The following PLXDC1 variants were observed in gnomAD, a reference collection of about 807,000 sequenced individuals.
PLXDC1 encodes plexin domain containing 1, also known as plexin domain-containing protein 1.
Under a neutral mutation model 61.3 loss-of-function variants are expected in PLXDC1, and 39 were observed. The ratio of observed to expected loss-of-function variants is 0.64; its 90% CI spans 0.49 to 0.83. PLXDC1 has a LOEUF of 0.83. Among genes scored for constraint, PLXDC1 ranks in the 40% least tolerant of loss-of-function variants. The pLI is 0.00. For missense variants in PLXDC1, 596 were observed against 666.5 expected (o/e 0.89, Z 1.17); for synonymous variants, 212 against 254.5 (o/e 0.83, Z 1.59).
intron 9 of PLXDC1, chr17:39,079,958 G>T (rs1598186579): frequency 5.1e-6 from 1 of 197,224 alleles, no homozygotes; most frequent in Non-Finnish European, 1.0e-5. Context: ...GCCAGGAGCT[G>T]TCAGTCTTTC....
At chr17:39,095,757 C>T (rs1910170179) in intron 7 of PLXDC1, among the ~76,000 whole-genome samples, 1 of 151,982 alleles carries the variant, frequency 6.6e-6, no homozygotes, top group Non-Finnish European at 1.5e-5. Context: ...CTCCACCTCC[C>T]GGGTTCAAGC....
intron 2 of PLXDC1, among the ~76,000 whole-genome samples, chr17:39,123,488 C>G (rs1911227907): frequency 6.6e-6 from 1 of 152,154 alleles, no homozygotes; most frequent in South Asian, 2.1e-4. Flanking sequence ...CCGCGCCTGG[C>G]CTCTTGCAAG....
intron 2 of PLXDC1, among the ~76,000 whole-genome samples, chr17:39,120,070 T>C (rs1031379483): frequency 1.3e-5 from 2 of 152,142 alleles, no homozygotes; most frequent in African/African-American, 4.8e-5. Context: ...GGCAATATGA[T>C]ATCAAATTAT....
intron 2 of PLXDC1, 36 bp from the exon 3 acceptor site, chr17:39,109,427 G>A: frequency 6.4e-7 from 1 of 1,556,920 alleles, no homozygotes; most frequent in Non-Finnish European, 8.7e-7. Context: ...CAGGAGGTGT[G>A]AGTAGTCAGC....
chr17:39,080,391 C>A (rs1189146653), intron 9 of PLXDC1: 2 of 152,224 alleles, frequency 1.3e-5, no homozygotes, highest in African/African-American at 4.8e-5. Flanking sequence ...ATTAACATTA[C>A]CCTTAGACTC....
intron 7 of PLXDC1, among the ~76,000 whole-genome samples, chr17:39,091,443 G>T (rs538495050): frequency 6.6e-6 from 1 of 152,082 alleles, no homozygotes; most frequent in Non-Finnish European, 1.5e-5. Flanking sequence ...CACTGGAGCC[G>T]GATGGTTTAG....
intron 7 of PLXDC1, among the ~76,000 whole-genome samples, chr17:39,092,223 C>T (rs1441360375): frequency 6.6e-6 from 1 of 151,766 alleles, no homozygotes; most frequent in Non-Finnish European, 1.5e-5. Context: ...TACAGGCACA[C>T]CCCATCATGC....
At chr17:39,093,941 C>T (rs1389348965) in intron 7 of PLXDC1, among the ~76,000 whole-genome samples, 1 of 152,182 alleles carries the variant, frequency 6.6e-6, no homozygotes. Context: ...CCCGCACACG[C>T]ATGTGCACAC....
In PLXDC1 at chr17:39,151,522, G is replaced by T; in HGVS notation, c.-85C>A. 2.5e-6 allele frequency: 3 copies of T among 1,223,394 alleles called. No homozygotes were observed. Among genetic ancestry groups the T allele is most frequent in the Non-Finnish European group, 3.1e-6 (3 of 982,374 alleles). 75.8% of individuals were successfully genotyped at this position (1,223,394 alleles called of 1,614,324 possible). On this transcript the variant is annotated 5_prime_UTR_variant, in exon 1 of 14. Coordinates refer to ENST00000315392, the MANE Select transcript of PLXDC1 (RefSeq NM_020405.5). This position sits in a 1 kb window ranked among gnomAD's most constrained non-coding sequence, Gnocchi z 5.2. ...GCCCTGGCTCAGGCTGCGGCCGCGC[G>T]GTCCCCGGGGCTGGCGGAGGGGCGG...
chr17:39,082,548 A>G (rs146304564), intron 9 of PLXDC1, among the ~76,000 whole-genome samples: 3,042 of 133,904 alleles, frequency 0.023, 99 homozygotes, highest in African/African-American at 0.083. Flanking sequence ...CTGGGCAACA[A>G]GAGCAAAACT....
chr17:39,085,391 C>G (rs1909706601), intron 8 of PLXDC1, among the ~76,000 whole-genome samples: 1 of 152,228 alleles, frequency 6.6e-6, no homozygotes, highest in South Asian at 2.1e-4. Context: ...GTTTTGTTCC[C>G]TGTGTATCCA....
chr17:39,122,513 C>T (rs1220788135), intron 2 of PLXDC1, among the ~76,000 whole-genome samples: 2 of 152,030 alleles, frequency 1.3e-5, no homozygotes, highest in Admixed American at 6.6e-5. Context: ...AAGGCAGAGC[C>T]GCAAGATAGC....
rs115999532 is a variant in PLXDC1 at position 39,114,442 on chromosome 17, G to A, written c.256-5051C>T. 1.7e-3 allele frequency among the ~76,000 whole-genome samples: 260 copies of A among 152,284 alleles called. 1 individual carries two copies. The highest frequency in any genetic ancestry group is 6.1e-3 in the African/African-American group (254 of 41,560). On this transcript the variant is annotated intron_variant, in intron 2 of 13. Transcript: ENST00000315392. ...AAGAAAGCCTCTCTGATTCCCTGTT[G>A]CATTCCCATCACACCCTGTGCTTCT... is the stretch of plus-strand genomic sequence containing the variant.
chr17:39,094,529 G>A (rs1364547862), intron 7 of PLXDC1, among the ~76,000 whole-genome samples: 5 of 151,054 alleles, frequency 3.3e-5, no homozygotes, highest in Non-Finnish European at 7.4e-5. Flanking sequence ...ACAACTCCCT[G>A]AGCAATGTCC....
chr17:39,072,306 C>A, intron 12 of PLXDC1, 144 bp downstream of exon 12: 1 of 676,330 alleles, frequency 1.5e-6, no homozygotes, highest in Middle Eastern at 4.0e-4. Flanking sequence ...GCCTCCCCAC[C>A]CAGCAGGAGG....
At chr17:39,080,582 A>C (rs1909518791) in intron 9 of PLXDC1, 2 of 152,336 alleles carry the variant, frequency 1.3e-5, no homozygotes, top group South Asian at 4.1e-4. Context: ...TGGCAGAGAG[A>C]CCATGTCAGC....
chr17:39,107,122 C>T (rs544335588), intron 6 of PLXDC1, among the ~76,000 whole-genome samples: 1 of 152,348 alleles, frequency 6.6e-6, no homozygotes, highest in South Asian at 2.1e-4. Flanking sequence ...AAAGCCTCCC[C>T]TGGCCTCTGC....
intron 2 of PLXDC1, among the ~76,000 whole-genome samples, chr17:39,128,093 A>G (rs199921468): frequency 0.019 from 1,110 of 57,988 alleles, 47 homozygotes; most frequent in Non-Finnish European, 0.027. Context: ...CTCTCTCTCT[A>G]TGTGTATATA....
intron 7 of PLXDC1, among the ~76,000 whole-genome samples, chr17:39,094,831 G>GA: frequency 6.6e-6 from 1 of 152,160 alleles, no homozygotes; most frequent in Middle Eastern, 3.2e-3. Context: ...GGACAACCCT[G>GA]AAAGACCACA....
Sources: allele counts gnomAD v4.1 joint callset (sites outside exome capture counted in the v4.1 genomes callset), GRCh38; gene constraint gnomAD v4.1.1; non-coding constraint Gnocchi (gnomAD v3.1); transcripts MANE v1.5; gene names NCBI Gene and HGNC (gene_info 2026-07-23, HGNC 2026-07-21).